The following MTPAP variants were observed in gnomAD, a reference collection of about 807,000 sequenced individuals.
The protein encoded by MTPAP is mitochondrial poly(A) polymerase.
MTPAP carries 23 observed loss-of-function variants against 48.7 expected under a neutral mutation model. That is an observed-to-expected ratio of 0.47 (90% CI 0.34 to 0.67). The LOEUF is 0.67. Ranked by LOEUF, MTPAP falls within the 30% of genes least tolerant of loss-of-function variation. MTPAP has a pLI of 0.01. For missense variants in MTPAP, 614 were observed against 694.3 expected (o/e 0.88, Z 1.30); for synonymous variants, 257 against 254.1 (o/e 1.01, Z -0.11).
rs4310520 is a variant in MTPAP, at chr10:30,336,790, G to C, written c.780+13C>G. 7.6e-6 allele frequency: 12 copies of C among 1,575,434 alleles called. No individual in the cohort carries two copies. The Admixed American group carries it at 1.8e-4, about 24-fold the overall frequency. On this transcript the variant is annotated intron_variant, in intron 4 of 8. Coordinates refer to ENST00000263063, the MANE Select transcript of MTPAP (RefSeq NM_018109.4). Reference sequence around the variant, plus strand: ...CTTTACATGATTATAGTGGTCAAAAGAAATAGACTTACCTTGTGAGCGCTG... The same window carrying C: ...CTTTACATGATTATAGTGGTCAAAACAAATAGACTTACCTTGTGAGCGCTG...
intron 6 of MTPAP, 30 bp from the exon 7 acceptor site, chr10:30,316,240 G>A (rs374387777): frequency 1.3e-5 from 17 of 1,286,340 alleles, no homozygotes; most frequent in Non-Finnish European, 1.7e-5. Context: ...TATTTCACGT[G>A]TTTTTTTTTT....
At chr10:30,337,424 C>CA (rs942553620) in intron 3 of MTPAP, among the ~76,000 whole-genome samples, 16 of 150,046 alleles carry the variant, frequency 1.1e-4, no homozygotes, top group South Asian at 1.1e-3. Flanking sequence ...GACTCCGTCT[C>CA]AAAAAAAAAT....
At chr10:30,319,013 C>T (rs1215659431) in intron 6 of MTPAP, among the ~76,000 whole-genome samples, 1 of 151,330 alleles carries the variant, frequency 6.6e-6, no homozygotes, top group African/African-American at 2.4e-5. Flanking sequence ...CTAGGTTTGT[C>T]TGTCTTCTCT....
intron 5 of MTPAP, 61 bp from the exon 6 acceptor site, chr10:30,322,678 T>A: frequency 1.7e-6 from 2 of 1,200,152 alleles, no homozygotes; most frequent in Middle Eastern, 1.9e-4. Context: ...AAGGGTAAAA[T>A]TAAACTCAAA....
rs1398370418 is a variant in MTPAP at position 30,311,613 on chromosome 10, CTGAG to C, written c.*1992_*1995del. 2.6e-5 allele frequency: 4 copies of C among 152,204 alleles called. No individual in the cohort carries two copies. Among genetic ancestry groups the C allele is most frequent in the Non-Finnish European group, 5.9e-5 (4 of 68,044 alleles). 9.4% of individuals were successfully genotyped at this position (152,204 alleles called of 1,614,324 possible). A position where few individuals can be genotyped will look rare whatever the true frequency, so the allele number is the denominator to read the frequency against. The stretch of plus-strand genomic sequence containing the variant: ...CAGATCAAACAGGGGCCCCAAGAGA[CTGAG>C]TAACTTGTCATTGAGCCAGTCTCGC... On this transcript the variant is annotated 3_prime_UTR_variant, in exon 9 of 9. Transcript: ENST00000263063.
intron 4 of MTPAP, among the ~76,000 whole-genome samples, chr10:30,336,407 A>T (rs1212981012): frequency 6.6e-6 from 1 of 152,178 alleles, no homozygotes; most frequent in Non-Finnish European, 1.5e-5. Context: ...AACAAAAATC[A>T]AAAGAATTTT....
Position 30,311,006 on chromosome 10 carries a change from C to A in MTPAP, c.*2603G>T, listed in dbSNP as rs1418832772. 6.6e-6 allele frequency: 1 copy of A among 151,906 alleles called. No individual in the cohort carries two copies. Among genetic ancestry groups the A allele is most frequent in the East Asian group, 1.9e-4 (1 of 5,194 alleles). 9.4% of individuals were successfully genotyped at this position (151,906 alleles called of 1,614,324 possible). A position where few individuals can be genotyped will look rare whatever the true frequency, so the allele number is the denominator to read the frequency against. ...AGTGTCAAGGCTGTCCTACAAATTA[C>A]CAAAAAGAAAAGAAAATGCTAACCC... On this transcript the variant is annotated 3_prime_UTR_variant, in exon 9 of 9. Transcript: ENST00000263063.
In MTPAP at chr10:30,336,925, C is replaced by G; in HGVS notation, c.658G>C (p.Ala220Pro). 6.2e-7 allele frequency: 1 copy of G among 1,613,322 alleles called. No homozygotes were observed. The highest frequency in any genetic ancestry group is 8.5e-7 in the Non-Finnish European group (1 of 1,179,908). ...CTGACTATGCAGTCTGGAAAATACG[C>G]GGCGGCCATGTCTTCAATAAGAGAA... ...TCSLIEDMAA[A>P]YFPDCIVRPF... Residue 220 changes from alanine to proline, a missense_variant, in exon 4 of 9, where the codon GCG (alanine) becomes CCG (proline). This residue lies in a region of MTPAP where 261 missense variants were observed against 355.4 expected (regional missense o/e 0.73). Transcript: ENST00000263063.
At chr10:30,342,394 A>C (rs1030488090) in intron 1 of MTPAP, among the ~76,000 whole-genome samples, 3 of 152,240 alleles carry the variant, frequency 2.0e-5, no homozygotes, top group Non-Finnish European at 2.9e-5. Flanking sequence ...TGAGGAACCG[A>C]AACTGTGGAC....
At chr10:30,319,360 G>A (rs1256090264) in intron 6 of MTPAP, among the ~76,000 whole-genome samples, 1 of 152,066 alleles carries the variant, frequency 6.6e-6, no homozygotes, top group African/African-American at 2.4e-5. Flanking sequence ...AACAAGCAAG[G>A]AAGCAAATAA....
At chr10:30,345,018 T>G (rs955905895) in intron 1 of MTPAP, among the ~76,000 whole-genome samples, 3 of 152,170 alleles carry the variant, frequency 2.0e-5, no homozygotes, top group African/African-American at 7.2e-5. Context: ...CAGTGTAGAA[T>G]TTTCTCAGGT....
At position 30,326,574 on chromosome 10, in the gene MTPAP, G is replaced by C. The variant is rs771770775; in HGVS notation, c.842C>G (p.Thr281Ser). The C allele has an allele frequency of 2.0e-5, 32 of 1,613,932 alleles. No individual in the cohort carries two copies. Among genetic ancestry groups the C allele is most frequent in the Admixed American group, 6.7e-5 (4 of 59,978 alleles). Residue 281 changes from threonine (T) to serine (S), a missense_variant, in exon 5 of 9, where the codon ACT becomes AGT. Transcript: ENST00000263063. Reference protein sequence around the residue: ...VKNVPSERIATQKILSVLGEC... With the variant: ...VKNVPSERIASQKILSVLGEC... ...TCCTAACACAGACAGGATCTTCTGAGTTGCAATTCTTTCTGAAGGAACATT... is the reference window on the plus strand; with the variant it reads ...TCCTAACACAGACAGGATCTTCTGACTTGCAATTCTTTCTGAAGGAACATT...
chr10:30,337,084 G>A (rs949077987), intron 3 of MTPAP, 57 bp from the exon 4 acceptor site: 6 of 1,424,008 alleles, frequency 4.2e-6, no homozygotes, highest in Middle Eastern at 2.4e-4. Flanking sequence ...CGCATAAAAA[G>A]TTACCATTTT....
At chr10:30,326,378 A>G in intron 5 of MTPAP, 46 bp downstream of exon 5, 2 of 1,506,236 alleles carry the variant, frequency 1.3e-6, no homozygotes, top group Non-Finnish European at 1.8e-6. Context: ...CTAAGCTAAT[A>G]TATCAGAATA....
chr10:30,325,778 A>G (rs1834586237), intron 5 of MTPAP, among the ~76,000 whole-genome samples: 1 of 145,450 alleles, frequency 6.9e-6, no homozygotes, highest in South Asian at 2.2e-4. Flanking sequence ...AAAATGAAAT[A>G]AAGAAATTTT....
In MTPAP at chr10:30,318,378, T is replaced by C. The variant is rs545289597; in HGVS notation, c.1220-2168A>G. Among the ~76,000 whole-genome samples the C allele has an allele frequency of 2.8e-3, 426 of 152,352 alleles. 3 individuals carry two copies. Among genetic ancestry groups the C allele is most frequent in the African/African-American group, 9.9e-3 (410 of 41,586 alleles). On this transcript the variant is annotated intron_variant, in intron 6 of 8. Coordinates refer to ENST00000263063, the MANE Select transcript of MTPAP (RefSeq NM_018109.4). Reference sequence around the variant, plus strand: ...TTGAAGGAGCTATATAAAATGTATGTATGTATATATATTTCTACTTAGATC... The same window carrying C: ...TTGAAGGAGCTATATAAAATGTATGCATGTATATATATTTCTACTTAGATC...
Position 30,310,581 on chromosome 10 carries a change from CAAAAA to C in MTPAP, c.*3023_*3027del, listed in dbSNP as rs11310410. ...CTGGGTGACAGAGGGAGACCCATCT[CAAAAA>C]AAAAAAAAAAAAAGGGTCTTTGTAG... On this transcript the variant is annotated 3_prime_UTR_variant, in exon 9 of 9. Transcript: ENST00000263063. 3 of 102,716 alleles carry C rather than the reference CAAAAA, an allele frequency of 2.9e-5. No homozygotes were observed. Among genetic ancestry groups the C allele is most frequent in the Admixed American group, 1.0e-4 (1 of 9,888 alleles). The allele number at this position is 102,716 out of a possible 1,614,324, so 6.4% of individuals were successfully genotyped here.
intron 5 of MTPAP, among the ~76,000 whole-genome samples, chr10:30,324,650 T>C (rs1351198481): frequency 6.6e-6 from 1 of 152,070 alleles, no homozygotes; most frequent in Non-Finnish European, 1.5e-5. Flanking sequence ...ACAGATGGCA[T>C]AAAAAAATAA....
chr10:30,338,293 A>G (rs1235306426), intron 3 of MTPAP, among the ~76,000 whole-genome samples: 1 of 60,200 alleles, frequency 1.7e-5, no homozygotes, highest in African/African-American at 3.0e-5. Flanking sequence ...ACATAACAAC[A>G]TAACATTAAC....
Sources: allele counts gnomAD v4.1 joint callset (sites outside exome capture counted in the v4.1 genomes callset), GRCh38; gene constraint gnomAD v4.1.1; regional missense constraint gnomAD v4.1.1; transcripts MANE v1.5; gene names NCBI Gene and HGNC (gene_info 2026-07-23, HGNC 2026-07-21).